The following HMGB1 variants were observed in gnomAD, a reference collection of about 807,000 sequenced individuals.
HMGB1 encodes high mobility group box 1, also known as high mobility group protein B1.
For synonymous variants in HMGB1, 81 were observed against 84.0 expected (o/e 0.96, Z 0.19); for missense variants, 79 against 253.5 (o/e 0.31, Z 4.67).
chr13:30,537,009 G>C (rs1005651702), intron 1 of HMGB1, among the ~76,000 whole-genome samples: 1 of 152,120 alleles, frequency 6.6e-6, no homozygotes, highest in African/African-American at 2.4e-5. Flanking sequence ...TGTCTTCCCT[G>C]TTCGTATATT....
intron 1 of HMGB1, among the ~76,000 whole-genome samples, chr13:30,501,458 C>A (rs990918194): frequency 5.3e-5 from 8 of 152,144 alleles, no homozygotes; most frequent in Non-Finnish European, 1.2e-4. Flanking sequence ...AGTGCAAGGC[C>A]TCACTGCTTT....
intron 1 of HMGB1, among the ~76,000 whole-genome samples, chr13:30,546,923 GTAGGTGTAGGTTTCA>G (rs1869187053): frequency 6.6e-6 from 1 of 152,192 alleles, no homozygotes; most frequent in Admixed American, 6.5e-5. Flanking sequence ...ACACACATTT[GTAGGTGTAGGTTTCA>G]TGCTGTTAAT....
intron 1 of HMGB1, among the ~76,000 whole-genome samples, chr13:30,544,814 T>G (rs888622409): frequency 6.6e-6 from 1 of 152,006 alleles, no homozygotes; most frequent in Non-Finnish European, 1.5e-5. Flanking sequence ...GAATAGGTAA[T>G]CACTTAAAGA....
chr13:30,465,005 C>T (rs1193322453), intron 1 of HMGB1: 7 of 137,316 alleles, frequency 5.1e-5, no homozygotes, highest in Non-Finnish European at 9.9e-5. Context: ...TCCGCGCGGG[C>T]CGCGCGCCCC....
intron 1 of HMGB1, chr13:30,540,994 T>G (rs771942129): frequency 1.3e-5 from 2 of 151,782 alleles, no homozygotes; most frequent in South Asian, 4.1e-4. Context: ...TTTGGGTGTG[T>G]GTGTGTGTGT....
chr13:30,491,232 G>C (rs993708096), intron 1 of HMGB1, among the ~76,000 whole-genome samples: 5 of 152,068 alleles, frequency 3.3e-5, no homozygotes, highest in African/African-American at 1.2e-4. Context: ...GTTTCACCAT[G>C]TTAGCCAGGC....
At chr13:30,610,188 G>C (rs146253759) in intron 1 of HMGB1, among the ~76,000 whole-genome samples, 19 of 152,204 alleles carry the variant, frequency 1.2e-4, no homozygotes, top group Non-Finnish European at 2.8e-4. Context: ...TATGCTATCA[G>C]TAAACTTCCA....
chr13:30,503,104 G>A (rs1463471579), intron 1 of HMGB1, among the ~76,000 whole-genome samples: 2 of 152,002 alleles, frequency 1.3e-5, no homozygotes, highest in African/African-American at 2.4e-5. Context: ...TTGGGAGGCC[G>A]AGGCGAGGGA....
intron 1 of HMGB1, among the ~76,000 whole-genome samples, chr13:30,566,913 A>T (rs1593316350): frequency 6.6e-6 from 1 of 152,364 alleles, no homozygotes; most frequent in East Asian, 1.9e-4. Flanking sequence ...TGCGAAAAGG[A>T]ATCATGTAGT....
At chr13:30,497,919 G>A (rs556345972) in intron 1 of HMGB1, among the ~76,000 whole-genome samples, 1 of 152,040 alleles carries the variant, frequency 6.6e-6, no homozygotes, top group Non-Finnish European at 1.5e-5. Flanking sequence ...ATGAACATAC[G>A]CATGTGTGTG....
chr13:30,518,013 C>G (rs1017758898), intron 1 of HMGB1, among the ~76,000 whole-genome samples: 1 of 152,118 alleles, frequency 6.6e-6, no homozygotes, highest in African/African-American at 2.4e-5. Flanking sequence ...CAGAGAAAGA[C>G]CAGAAGTCTG....
chr13:30,508,804 T>C (rs918541018), intron 1 of HMGB1, among the ~76,000 whole-genome samples: 5 of 152,240 alleles, frequency 3.3e-5, no homozygotes, highest in African/African-American at 4.8e-5. Context: ...ACATTAATCA[T>C]TCATTAGCTG....
intron 1 of HMGB1, among the ~76,000 whole-genome samples, chr13:30,490,621 G>GAAAAA (rs35989221): frequency 1.5e-5 from 2 of 135,044 alleles, no homozygotes; most frequent in Non-Finnish European, 3.1e-5. Flanking sequence ...TGTCTGAACA[G>GAAAAA]AAAAAAAAAA....
At chr13:30,527,109 G>C (rs1008876212) in intron 1 of HMGB1, among the ~76,000 whole-genome samples, 1 of 152,236 alleles carries the variant, frequency 6.6e-6, no homozygotes, top group Non-Finnish European at 1.5e-5. Context: ...TCACAGAGCA[G>C]GGGCCGCAGC....
At chr13:30,483,058 T>A (rs546111888) in intron 1 of HMGB1, among the ~76,000 whole-genome samples, 18 of 152,108 alleles carry the variant, frequency 1.2e-4, no homozygotes, top group African/African-American at 4.3e-4. Flanking sequence ...CCTCCTAAAG[T>A]GCTGGAATTA....
At chr13:30,606,640 A>ATGCT (rs1266756343) in intron 1 of HMGB1, among the ~76,000 whole-genome samples, 1 of 152,236 alleles carries the variant, frequency 6.6e-6, no homozygotes, top group Non-Finnish European at 1.5e-5. Context: ...TGATAATAAT[A>ATGCT]TGCTCTACAT....
Position 30,457,544 on chromosome 13 carries a change from GTAA to G in HMGB1, c.*3810_*3812del, listed in dbSNP as rs1886041599. Reference sequence around the variant, plus strand: ...AACCTGGGCAACATAGAGATTCTATGTAATCTCTCATGTCAAAATAAGTAAAAA... The same window carrying G: ...AACCTGGGCAACATAGAGATTCTATGTCTCTCATGTCAAAATAAGTAAAAA... On this transcript the variant is annotated 3_prime_UTR_variant, in exon 5 of 5. Coordinates refer to ENST00000341423, the MANE Select transcript of HMGB1 (RefSeq NM_002128.7). 6.6e-6 allele frequency: 1 copy of G among 152,164 alleles called. No homozygotes were observed. The highest frequency in any genetic ancestry group is 1.5e-5 in the Non-Finnish European group (1 of 68,040). The allele number at this position is 152,164 out of a possible 1,614,324, so 9.4% of individuals were successfully genotyped here. A position where few individuals can be genotyped will look rare whatever the true frequency, so the allele number is the denominator to read the frequency against.
intron 1 of HMGB1, among the ~76,000 whole-genome samples, chr13:30,592,454 C>T (rs1415594204): frequency 6.6e-6 from 1 of 152,142 alleles, no homozygotes; most frequent in Non-Finnish European, 1.5e-5. Flanking sequence ...AATACCCATT[C>T]CCCTATGTTA....
intron 1 of HMGB1, among the ~76,000 whole-genome samples, chr13:30,534,810 CA>C (rs1478947106): frequency 1.3e-5 from 2 of 152,126 alleles, no homozygotes; most frequent in African/African-American, 4.8e-5. Context: ...CTCCTGGCCT[CA>C]GGTGATCTGC....
Sources: gnomAD v4.1 joint callset for allele counts (sites outside exome capture counted in the v4.1 genomes callset) on GRCh38, gnomAD v4.1.1 for gene constraint, MANE v1.5 for transcripts, NCBI Gene and HGNC (gene_info 2026-07-23, HGNC 2026-07-21) for gene names.